The following HPS3 variants were observed in gnomAD, a reference collection of about 807,000 sequenced individuals.
HPS3 encodes HPS3 biogenesis of lysosomal organelles complex 2 subunit 1.
In HPS3, 79 loss-of-function variants were observed where a neutral mutation model predicts 110.9. The ratio of observed to expected loss-of-function variants is 0.71; its 90% CI spans 0.59 to 0.86. The LOEUF (loss-of-function observed/expected upper bound fraction) is 0.86, where lower values mean the gene tolerates loss of function less well. Ranked by LOEUF, HPS3 falls within the 40% of genes least tolerant of loss-of-function variation. HPS3 has a pLI of 0.00. For synonymous variants in HPS3, 428 were observed against 451.0 expected (o/e 0.95, Z 0.65); for missense variants, 1,197 against 1,206.2 (o/e 0.99, Z 0.11).
chr3:149,167,342 A>G (rs1576707185), intron 15 of HPS3, 102 bp downstream of exon 15: 1 of 885,712 alleles, frequency 1.1e-6, no homozygotes, highest in East Asian at 2.6e-5. Context: ...TGCTAATCCA[A>G]CATCATAAGG....
chr3:149,171,232 C>T (rs984962948), intron 16 of HPS3, among the ~76,000 whole-genome samples: 10 of 151,712 alleles, frequency 6.6e-5, no homozygotes, highest in Admixed American at 3.9e-4. Flanking sequence ...GAGCTGAGAT[C>T]GCACCACTGC....
chr3:149,149,891 A>C (rs1313209754), intron 5 of HPS3, among the ~76,000 whole-genome samples: 1 of 152,158 alleles, frequency 6.6e-6, no homozygotes, highest in Non-Finnish European at 1.5e-5. Flanking sequence ...TGGAGTCCCT[A>C]GGTCCTTTTT....
At chr3:149,138,203 C>T (rs1267110655) in intron 1 of HPS3, among the ~76,000 whole-genome samples, 2 of 152,142 alleles carry the variant, frequency 1.3e-5, no homozygotes, top group African/African-American at 2.4e-5. Context: ...AAGCTTGCTA[C>T]CTGTAGAAGT....
intron 1 of HPS3, among the ~76,000 whole-genome samples, chr3:149,138,438 G>A (rs546101272): frequency 1.3e-5 from 2 of 152,106 alleles, no homozygotes; most frequent in Admixed American, 6.5e-5. Context: ...TTCTTTACCC[G>A]CAAAATTCTA....
intron 11 of HPS3, 76 bp from the exon 12 acceptor site, chr3:149,162,072 G>C: frequency 8.5e-7 from 1 of 1,179,642 alleles, no homozygotes; most frequent in Non-Finnish European, 1.3e-6. Context: ...GAATGCACTA[G>C]CATGTTTAGT....
At chr3:149,142,205 G>A (rs1722522713) in intron 4 of HPS3, among the ~76,000 whole-genome samples, 1 of 152,170 alleles carries the variant, frequency 6.6e-6, no homozygotes, top group Admixed American at 6.5e-5. Context: ...CCTGCTAGGA[G>A]AAGCCATGGA....
At chr3:149,160,917 T>C (rs1030156076) in intron 11 of HPS3, among the ~76,000 whole-genome samples, 4 of 152,184 alleles carry the variant, frequency 2.6e-5, no homozygotes, top group Non-Finnish European at 4.4e-5. Flanking sequence ...AGGAGTATTA[T>C]ACAAATGAGG....
chr3:149,143,844 C>G (rs919168943), intron 4 of HPS3, among the ~76,000 whole-genome samples: 8 of 152,108 alleles, frequency 5.3e-5, no homozygotes, highest in Non-Finnish European at 1.0e-4. Context: ...TGGTGTCCTT[C>G]AAGGGTGTCA....
chr3:149,162,458 GT>G, intron 12 of HPS3, 125 bp downstream of exon 12: 1 of 951,864 alleles, frequency 1.1e-6, no homozygotes, highest in Non-Finnish European at 1.6e-6. Context: ...TACATAATCA[GT>G]TTATAAGATA....
At chr3:149,130,952 A>G (rs533823415) in intron 1 of HPS3, among the ~76,000 whole-genome samples, 1 of 152,310 alleles carries the variant, frequency 6.6e-6, no homozygotes, top group South Asian at 2.1e-4. Flanking sequence ...CCTTCGATTC[A>G]TACTTTACAA....
intron 1 of HPS3, among the ~76,000 whole-genome samples, chr3:149,137,315 CAG>C (rs1722169697): frequency 2.0e-5 from 3 of 152,174 alleles, no homozygotes; most frequent in African/African-American, 2.4e-5. Flanking sequence ...ATTAATAAAA[CAG>C]AAATTAACGT....
At chr3:149,152,894 G>A (rs1255369134) in intron 6 of HPS3, among the ~76,000 whole-genome samples, 1 of 152,096 alleles carries the variant, frequency 6.6e-6, no homozygotes, top group African/African-American at 2.4e-5. Context: ...CAAAAGGCTG[G>A]CTCCTCTAGT....
At position 149,153,526 on chromosome 3, in the gene HPS3, T is replaced by C. The variant is rs146300849; in HGVS notation, c.1278T>C (p.Ala426=). 2 of 1,613,986 alleles carry C rather than the reference T, an allele frequency of 1.2e-6. No homozygotes were observed. Among genetic ancestry groups the C allele is most frequent in the Non-Finnish European group, 1.7e-6 (2 of 1,179,942 alleles). ...CACCTGTCAGTATGGATGTCTGTGCTTTAAGAATACAGCTTTTCATAGGCT... is the reference window on the plus strand; with the variant it reads ...CACCTGTCAGTATGGATGTCTGTGCCTTAAGAATACAGCTTTTCATAGGCT... ...ACPPVSMDVC[A]LRIQLFIGLK... is the part of the protein sequence containing the mutation. Residue 426 remains alanine (A), a synonymous_variant, in exon 7 of 17, where the codon GCT becomes GCC. Transcript: ENST00000296051.
chr3:149,162,378 A>C (rs745752603), intron 12 of HPS3, 45 bp downstream of exon 12: 1 of 1,553,404 alleles, frequency 6.4e-7, no homozygotes, highest in East Asian at 2.2e-5. Flanking sequence ...GCCTCATTAA[A>C]TTGGTGGTGG....
At chr3:149,138,805 T>C (rs1300783821) in intron 1 of HPS3, among the ~76,000 whole-genome samples, 1 of 152,200 alleles carries the variant, frequency 6.6e-6, no homozygotes, top group Non-Finnish European at 1.5e-5. Context: ...GCCAGCTTTA[T>C]AAAAAGGTCT....
rs1576720965 is a variant in HPS3 at position 149,173,406 on chromosome 3, T to G, written c.*1184T>G. The G allele has an allele frequency of 1.4e-5, 3 of 217,532 alleles. No homozygotes were observed. The East Asian group carries it at 3.3e-4, about 24-fold the overall frequency. 13.5% of individuals were successfully genotyped at this position (217,532 alleles called of 1,614,324 possible). A position where few individuals can be genotyped will look rare whatever the true frequency, so the allele number is the denominator to read the frequency against. On this transcript the variant is annotated 3_prime_UTR_variant, in exon 17 of 17. Coordinates refer to ENST00000296051, the MANE Select transcript of HPS3 (RefSeq NM_032383.5). The stretch of plus-strand genomic sequence containing the variant: ...CCTTTGAGGAGCACCCAGGAGAATA[T>G]CTGGTCATAGATCTTTTTTTAAATG...
rs1722341124 is a variant in HPS3, at chr3:149,140,072, A to G, written c.286A>G (p.Asn96Asp). The G allele has an allele frequency of 1.2e-6, 2 of 1,612,844 alleles. No homozygotes were observed. The highest frequency in any genetic ancestry group is 8.5e-7 in the Non-Finnish European group (1 of 1,179,606). Residue 96 changes from asparagine to aspartate, a missense_variant, in exon 2 of 17, where the codon AAT becomes GAT. By Grantham distance (23) the Asn-to-Asp change is conservative (BLOSUM62 1). Transcript: ENST00000296051. ...TFLRAYVNWR[N>D]KRTENSRVCI... is the part of the protein sequence containing the mutation. ...TCTACGTGCTTATGTGAACTGGAGA[A>G]ATAAAAGGACTGAAAACTCTCGTGT...
rs1376584652 is a variant in HPS3 at position 149,160,139 on chromosome 3, C to G, written c.1966C>G (p.Pro656Ala). The G allele has an allele frequency of 3.7e-6, 6 of 1,613,652 alleles. No individual in the cohort carries two copies. The highest frequency in any genetic ancestry group is 4.2e-6 in the Non-Finnish European group (5 of 1,179,734). The change falls in exon 11 of 17, where the codon CCT becomes GCT. Residue 656 changes from proline (P) to alanine (A), a missense_variant. Physicochemically the swap from Pro to Ala is conservative, Grantham distance 27. Coordinates refer to ENST00000296051, the MANE Select transcript of HPS3 (RefSeq NM_032383.5). ...TAGTCCTTCTATGAAGAATATTAAT[C>G]CTTTAACTGCCATGAGCTATCTAAG... Reference protein sequence around the residue: ...LCSPSMKNINPLTAMSYLRKL... With the variant: ...LCSPSMKNINALTAMSYLRKL...
At chr3:149,165,165 C>T (rs1258951358) in intron 14 of HPS3, among the ~76,000 whole-genome samples, 1 of 152,100 alleles carries the variant, frequency 6.6e-6, no homozygotes, top group Non-Finnish European at 1.5e-5. Context: ...GTTCATTTCA[C>T]GAATATTGCT....
Sources: allele counts gnomAD v4.1 joint callset (sites outside exome capture counted in the v4.1 genomes callset), GRCh38; gene constraint gnomAD v4.1.1; transcripts MANE v1.5; gene names NCBI Gene and HGNC (gene_info 2026-07-23, HGNC 2026-07-21).